REV1: variants seen among roughly 807,000 people sequenced by gnomAD.
The protein encoded by REV1 is REV1 DNA directed polymerase.
REV1 carries 42 observed loss-of-function variants against 137.4 expected under a neutral mutation model. The observed-to-expected ratio is 0.31, with a 90% CI of 0.24 to 0.40. The LOEUF is 0.40. Ranked by LOEUF, REV1 falls within the 10% of genes least tolerant of loss-of-function variation. The pLI, the probability that REV1 is intolerant of heterozygous loss-of-function variation, is 1.00. For synonymous variants in REV1, 524 were observed against 519.2 expected, an observed-to-expected ratio of 1.01 and a Z score of -0.12; for missense variants, 1,282 against 1,490.1, an observed-to-expected ratio of 0.86 and a Z score of 2.30.
intron 1 of REV1, among the ~76,000 whole-genome samples, chr2:99,477,318 T>C (rs1314270936): frequency 3.9e-5 from 6 of 152,078 alleles, no homozygotes; most frequent in African/African-American, 1.5e-4. Context: ...AAGAAAGCTG[T>C]TTACTTCTTT....
intron 1 of REV1, among the ~76,000 whole-genome samples, chr2:99,481,411 A>C (rs1342071751): frequency 6.6e-6 from 1 of 152,216 alleles, no homozygotes; most frequent in East Asian, 1.9e-4. Context: ...TTATGTAGTA[A>C]TTCTCAACAG....
At chr2:99,403,178 T>G (rs1290689682) in intron 19 of REV1, 72 bp from the exon 20 acceptor site, 2 of 1,236,592 alleles carry the variant, frequency 1.6e-6, no homozygotes, top group Non-Finnish European at 2.2e-6. Context: ...TATTGGGTTC[T>G]CTTTTCTCCT....
At chr2:99,463,858 A>G (rs1485904638) in intron 2 of REV1, among the ~76,000 whole-genome samples, 1 of 152,188 alleles carries the variant, frequency 6.6e-6, no homozygotes, top group African/African-American at 2.4e-5. Flanking sequence ...TCCTGACCTC[A>G]GGTGATCCAC....
At position 99,401,365 on chromosome 2, in the gene REV1, A is replaced by G. The variant is rs1574951651; in HGVS notation, c.3645-13T>C. ...TTGCTGCATCAGCCTAAAGGTGGGG[A>G]GAGAAGAAATGTCATTAGGAATTAG... On this transcript the variant is annotated splice_polypyrimidine_tract_variant and intron_variant, in intron 22 of 22. Coordinates refer to ENST00000258428, the MANE Select transcript of REV1 (RefSeq NM_016316.4). The G allele has an allele frequency of 6.4e-7, 1 of 1,567,988 alleles. No individual in the cohort carries two copies.
At chr2:99,403,546 CAT>C in intron 19 of REV1, 147 bp downstream of exon 19, 1 of 927,982 alleles carries the variant, frequency 1.1e-6, no homozygotes, top group Non-Finnish European at 1.6e-6. Flanking sequence ...GATATTTACT[CAT>C]ACTGTATACT....
At chr2:99,421,819 GTTAA>G (rs917506199) in intron 10 of REV1, among the ~76,000 whole-genome samples, 166 bp from the exon 11 acceptor site, 3 of 152,112 alleles carry the variant, frequency 2.0e-5, no homozygotes, top group African/African-American at 7.2e-5. Flanking sequence ...TAACTGCAAA[GTTAA>G]TTAGTGTGTT....
At chr2:99,464,372 A>G (rs908683582) in intron 2 of REV1, among the ~76,000 whole-genome samples, 7 of 152,222 alleles carry the variant, frequency 4.6e-5, no homozygotes, top group Non-Finnish European at 1.0e-4. Flanking sequence ...TTCAGAAAAT[A>G]CAGGAAATAT....
chr2:99,440,704 A>G (rs533896746), intron 5 of REV1, among the ~76,000 whole-genome samples: 2 of 152,362 alleles, frequency 1.3e-5, no homozygotes, highest in South Asian at 2.1e-4. Flanking sequence ...GTCACAGATG[A>G]GCATTTCAAA....
chr2:99,419,604 G>C (rs994966874), intron 11 of REV1, among the ~76,000 whole-genome samples: 1 of 152,178 alleles, frequency 6.6e-6, no homozygotes, highest in South Asian at 2.1e-4. Context: ...AGAGGAGGTA[G>C]GGAAATGACA....
At chr2:99,452,992 T>C (rs1416345494) in intron 3 of REV1, among the ~76,000 whole-genome samples, 1 of 152,204 alleles carries the variant, frequency 6.6e-6, no homozygotes, top group Non-Finnish European at 1.5e-5. Context: ...GGGATAATAA[T>C]AGTGTCTCAA....
chr2:99,465,262 ACATT>A (rs780882537), intron 1 of REV1, among the ~76,000 whole-genome samples: 1 of 152,190 alleles, frequency 6.6e-6, no homozygotes, highest in Non-Finnish European at 1.5e-5. Context: ...ACCAATCCTA[ACATT>A]CACTTACATA....
At chr2:99,410,347 C>T (rs556228901) in intron 14 of REV1, among the ~76,000 whole-genome samples, 1 of 152,190 alleles carries the variant, frequency 6.6e-6, no homozygotes, top group South Asian at 2.1e-4. Flanking sequence ...TGAAATTTTC[C>T]TCAGGAAAAA....
chr2:99,432,165 G>A (rs1680204621), intron 8 of REV1, among the ~76,000 whole-genome samples: 1 of 152,126 alleles, frequency 6.6e-6, no homozygotes, highest in Non-Finnish European at 1.5e-5. Flanking sequence ...TCAGGAAGCA[G>A]CCTCCAAAAG....
At chr2:99,451,256 CT>C in intron 3 of REV1, 1 of 751,054 alleles carries the variant, frequency 1.3e-6, no homozygotes, top group Non-Finnish European at 1.7e-6. Context: ...TATTTAATGA[CT>C]TAAATAGAAA....
chr2:99,418,639 G>A (rs987929454), intron 12 of REV1, among the ~76,000 whole-genome samples, 189 bp downstream of exon 12: 1 of 152,076 alleles, frequency 6.6e-6, no homozygotes, highest in Non-Finnish European at 1.5e-5. Flanking sequence ...TAACATTAAG[G>A]TCCTGACAAA....
chr2:99,411,598 G>C (rs913663003), intron 13 of REV1, among the ~76,000 whole-genome samples: 1 of 151,446 alleles, frequency 6.6e-6, no homozygotes, highest in Non-Finnish European at 1.5e-5. Context: ...TAGTAGAGAC[G>C]GGGTTTCACC....
At chr2:99,434,204 T>C (rs1680452175) in intron 8 of REV1, 128 bp downstream of exon 8, 1 of 523,986 alleles carries the variant, frequency 1.9e-6, no homozygotes, top group Admixed American at 3.1e-5. Context: ...GTGACATCCT[T>C]AAAACCCCTG....
At chr2:99,440,166 T>C in intron 5 of REV1, among the ~76,000 whole-genome samples, 1 of 152,198 alleles carries the variant, frequency 6.6e-6, no homozygotes, top group Admixed American at 6.5e-5. Flanking sequence ...ATGACAAATG[T>C]TATGCTAAAG....
intron 11 of REV1, 59 bp from the exon 12 acceptor site, chr2:99,419,006 A>G: frequency 1.5e-6 from 2 of 1,378,198 alleles, no homozygotes; most frequent in Non-Finnish European, 2.0e-6. Context: ...ATTTCTCAAC[A>G]AAGATCTCTT....
Sources: allele counts gnomAD v4.1 joint callset (sites outside exome capture counted in the v4.1 genomes callset), GRCh38; gene constraint gnomAD v4.1.1; transcripts MANE v1.5; gene names NCBI Gene and HGNC (gene_info 2026-07-23, HGNC 2026-07-21).